Variants in SLC44A1 observed in about 807,000 individuals in gnomAD.
SLC44A1 encodes solute carrier family 44 member 1, also known as choline transporter-like protein 1.
SLC44A1 carries 26 observed loss-of-function variants against 79.3 expected under a neutral mutation model. That is an observed-to-expected ratio of 0.33 (90% CI 0.24 to 0.46). The LOEUF (loss-of-function observed/expected upper bound fraction) is 0.46. Among genes scored for constraint, SLC44A1 ranks in the 20% least tolerant of loss-of-function variants. SLC44A1 has a pLI of 1.00. For missense variants in SLC44A1, 688 were observed against 798.1 expected (o/e 0.86, Z 1.66); for synonymous variants, 263 against 286.2 (o/e 0.92, Z 0.82).
At chr9:105,341,495 C>G (rs992458629) in intron 4 of SLC44A1, among the ~76,000 whole-genome samples, 2 of 151,966 alleles carry the variant, frequency 1.3e-5, no homozygotes, top group Admixed American at 6.5e-5. Flanking sequence ...GAGAAGAAAA[C>G]AGTTTAAAAA....
chr9:105,394,705 A>G lies in SLC44A1; in HGVS notation c.*5649A>G. 2 of 985,442 alleles carry G rather than the reference A, an allele frequency of 2.0e-6. No individual in the cohort carries two copies. The highest frequency in any genetic ancestry group is 2.4e-6 in the Non-Finnish European group (2 of 829,920). The allele number at this position is 985,442 out of a possible 1,614,324, so 61.0% of individuals were successfully genotyped here. A position where few individuals can be genotyped will look rare whatever the true frequency, so the allele number is the denominator to read the frequency against. On this transcript the variant is annotated 3_prime_UTR_variant, in exon 16 of 16. Coordinates refer to ENST00000374720, the MANE Select transcript of SLC44A1 (RefSeq NM_080546.5). ...TCCAACAACAGTTGAAGATGATGAT[A>G]AATTAGCAAACTCAAGGGTAGTCCA...
chr9:105,416,330 A>G (rs1829170412), intron 15 of SLC44A1, among the ~76,000 whole-genome samples: 1 of 152,156 alleles, frequency 6.6e-6, no homozygotes, highest in Non-Finnish European at 1.5e-5. Flanking sequence ...TCTTAGAGAA[A>G]AATTGGTTCT....
In SLC44A1 at chr9:105,394,002, T is replaced by C; in HGVS notation, c.*4946T>C. The C allele has an allele frequency of 6.1e-6, 6 of 985,222 alleles. No individual in the cohort carries two copies. Among genetic ancestry groups the C allele is most frequent in the Non-Finnish European group, 7.2e-6 (6 of 829,728 alleles). The allele number at this position is 985,222 out of a possible 1,614,324, so 61.0% of individuals were successfully genotyped here. A position where few individuals can be genotyped will look rare whatever the true frequency, so the allele number is the denominator to read the frequency against. ...ATTTGATATTCAAAAACAAGTTATT[T>C]TGAAGAGACAATGGGTCTCTTTGAG... is the stretch of plus-strand genomic sequence containing the variant. On this transcript the variant is annotated 3_prime_UTR_variant, in exon 16 of 16. Coordinates refer to ENST00000374720, the MANE Select transcript of SLC44A1 (RefSeq NM_080546.5).
At chr9:105,330,482 C>G (rs961028657) in intron 3 of SLC44A1, among the ~76,000 whole-genome samples, 2 of 152,144 alleles carry the variant, frequency 1.3e-5, no homozygotes, top group Non-Finnish European at 1.5e-5. Context: ...AAAAGCAAAA[C>G]AGAAGTTTAA....
intron 1 of SLC44A1, among the ~76,000 whole-genome samples, chr9:105,256,138 G>T (rs752715811): frequency 1.3e-5 from 2 of 151,694 alleles, no homozygotes; most frequent in Admixed American, 1.3e-4. Flanking sequence ...TCAGCCTCCC[G>T]AGTAGCTGGG....
downstream of SLC44A1, among the ~76,000 whole-genome samples, chr9:105,397,625 G>A (rs941166315): frequency 6.6e-6 from 1 of 152,174 alleles, no homozygotes; most frequent in African/African-American, 2.4e-5. Context: ...GATTGCAACT[G>A]AACTCAATCA....
At chr9:105,372,109 G>A (rs1375843123) in intron 12 of SLC44A1, among the ~76,000 whole-genome samples, 2 of 152,208 alleles carry the variant, frequency 1.3e-5, no homozygotes, top group African/African-American at 4.8e-5. Flanking sequence ...ATATAAGGGA[G>A]CAAGAAGCAG....
chr9:105,272,114 G>A (rs1830092948), intron 1 of SLC44A1, among the ~76,000 whole-genome samples: 1 of 152,190 alleles, frequency 6.6e-6, no homozygotes, highest in African/African-American at 2.4e-5. Context: ...AAGTTGAGTT[G>A]AATTGAATTC....
chr9:105,364,127 T>C (rs1484007342), intron 9 of SLC44A1, among the ~76,000 whole-genome samples: 1 of 152,236 alleles, frequency 6.6e-6, no homozygotes, highest in Non-Finnish European at 1.5e-5. Context: ...ATCATAAGGA[T>C]AGTAAACTTT....
rs1419158244 is a variant in SLC44A1 at position 105,362,859 on chromosome 9, T to C, written c.939T>C (p.Arg313=). 1.9e-6 allele frequency: 3 copies of C among 1,612,528 alleles called. No individual in the cohort carries two copies. The African/African-American group carries it at 4.0e-5, about 22-fold the overall frequency. Residue 313 remains arginine (R), a synonymous_variant, in exon 9 of 16, where the codon CGT becomes CGC. Coordinates refer to ENST00000374720, the MANE Select transcript of SLC44A1 (RefSeq NM_080546.5). The part of the protein sequence containing the change: ...LFLIMLVMRK[R]VALTIALFHV... The stretch of plus-strand genomic sequence containing the variant: ...TGATAATGTTGGTTATGCGCAAACG[T>C]GTTGCTCTTACCATCGCCTTGTTCC...
At chr9:105,246,158 G>T (rs1005674737) in intron 1 of SLC44A1, among the ~76,000 whole-genome samples, 1 of 152,096 alleles carries the variant, frequency 6.6e-6, no homozygotes, top group African/African-American at 2.4e-5. Flanking sequence ...ACGCTAGTTT[G>T]GGGGGAAAAA....
chr9:105,380,560 A>G (rs1272785888), intron 13 of SLC44A1, among the ~76,000 whole-genome samples: 1 of 151,966 alleles, frequency 6.6e-6, no homozygotes, highest in Non-Finnish European at 1.5e-5. Context: ...ATTTACATTT[A>G]TTTATCAAAT....
At chr9:105,266,725 A>AGTT (rs1287833008) in intron 1 of SLC44A1, among the ~76,000 whole-genome samples, 1 of 152,192 alleles carries the variant, frequency 6.6e-6, no homozygotes, top group Non-Finnish European at 1.5e-5. Context: ...GTATATATTG[A>AGTT]AATCAGGTTA....
chr9:105,313,679 A>C (rs1831240817), intron 3 of SLC44A1, among the ~76,000 whole-genome samples: 1 of 152,118 alleles, frequency 6.6e-6, no homozygotes, highest in African/African-American at 2.4e-5. Flanking sequence ...CACATTCTAG[A>C]TTGTCTACAA....
intron 1 of SLC44A1, among the ~76,000 whole-genome samples, chr9:105,298,196 C>T (rs2060501083): frequency 6.6e-6 from 1 of 152,026 alleles, no homozygotes; most frequent in African/African-American, 2.4e-5. Context: ...TCAGGATTCT[C>T]TGTGTTTGAT....
chr9:105,333,384 A>T (rs983685154), intron 3 of SLC44A1, among the ~76,000 whole-genome samples: 1 of 152,114 alleles, frequency 6.6e-6, no homozygotes, highest in Non-Finnish European at 1.5e-5. Context: ...CTCCCACCCC[A>T]TAGAGAAACA....
intron 15 of SLC44A1, among the ~76,000 whole-genome samples, chr9:105,430,683 TA>T (rs551834446): frequency 5.6e-4 from 86 of 152,336 alleles, no homozygotes; most frequent in African/African-American, 2.1e-3. Flanking sequence ...AATGGATACT[TA>T]GGTTGGATTT....
rs1293613454 is a variant in SLC44A1 at position 105,396,634 on chromosome 9, G to A, written c.*7578G>A. 1.2e-5 allele frequency: 12 copies of A among 985,120 alleles called. No homozygotes were observed. Among genetic ancestry groups the A allele is most frequent in the African/African-American group, 1.7e-5 (1 of 57,168 alleles). The allele number at this position is 985,120 out of a possible 1,614,324, so 61.0% of individuals were successfully genotyped here. Reference sequence around the variant, plus strand: ...GTGATATGAGCAGAAAACACACATCGGTGTGTCTTGATTTCTCGCAGCTGT... The same window carrying A: ...GTGATATGAGCAGAAAACACACATCAGTGTGTCTTGATTTCTCGCAGCTGT... On this transcript the variant is annotated 3_prime_UTR_variant, in exon 16 of 16. Transcript: ENST00000374720.
rs76067619 is a variant in SLC44A1, at chr9:105,272,222, C to T, written c.37-26998C>T. Among the ~76,000 whole-genome samples the T allele has an allele frequency of 4.2e-3, 638 of 152,208 alleles. 9 individuals are homozygous for T. Among genetic ancestry groups the T allele is most frequent in the African/African-American group, 0.015 (610 of 41,524 alleles). ...AAAATACATAACTTTTTTAATTGTA[C>T]ACCTTATATGAGTCTGTACTGTAGA... On this transcript the variant is annotated intron_variant, in intron 1 of 15. Transcript: ENST00000374720.
Sources: gnomAD v4.1 joint callset for allele counts (sites outside exome capture counted in the v4.1 genomes callset) on GRCh38, gnomAD v4.1.1 for gene constraint, MANE v1.5 for transcripts, NCBI Gene and HGNC (gene_info 2026-07-23, HGNC 2026-07-21) for gene names.